The following CYTH3 variants were observed in gnomAD, a reference collection of about 807,000 sequenced individuals.
CYTH3 encodes the protein cytohesin 3.
CYTH3 carries 23 observed loss-of-function variants against 55.1 expected under a neutral mutation model. The ratio of observed to expected loss-of-function variants is 0.42; its 90% CI spans 0.30 to 0.59. The LOEUF is 0.59. CYTH3 is among the 20% of genes least tolerant of loss of function. The pLI, the probability that CYTH3 is intolerant of heterozygous loss-of-function variation, is 0.20. For missense variants in CYTH3, 413 were observed against 524.8 expected, an observed-to-expected ratio of 0.79 and a Z score of 2.08; for synonymous variants, 249 against 194.9, an observed-to-expected ratio of 1.28 and a Z score of -2.31.
In CYTH3 at chr7:6,170,002, G is replaced by A. The variant is rs572544435; in HGVS notation, c.823+533C>T. On this transcript the variant is annotated intron_variant, in intron 9 of 12. Transcript: ENST00000350796. This position sits in a 1 kb window ranked among gnomAD's most constrained non-coding sequence, Gnocchi z 7.8. The stretch of plus-strand genomic sequence containing the variant: ...ATCGGATGAATGGCAGCCACACAGC[G>A]GAGCTCACACAGACCAACGTGGGGA... 49 of 159,432 alleles carry A rather than the reference G, an allele frequency of 3.1e-4. No homozygotes were observed. Among genetic ancestry groups the A allele is most frequent in the Non-Finnish European group, 5.2e-4 (38 of 72,476 alleles). The allele number at this position is 159,432 out of a possible 1,614,324, so 9.9% of individuals were successfully genotyped here. A position where few individuals can be genotyped will look rare whatever the true frequency, so the allele number is the denominator to read the frequency against.
intron 1 of CYTH3, among the ~76,000 whole-genome samples, chr7:6,258,927 A>G (rs1271411614): frequency 6.6e-6 from 1 of 152,212 alleles, no homozygotes; most frequent in East Asian, 1.9e-4. Flanking sequence ...AATAAATGCA[A>G]CCCAGATGTT....
At chr7:6,198,112 G>GAAAAA (rs547379573) in intron 1 of CYTH3, among the ~76,000 whole-genome samples, 1 of 131,642 alleles carries the variant, frequency 7.6e-6, no homozygotes. Flanking sequence ...AAAAAAAAAG[G>GAAAAA]AAAAAAAAAA....
chr7:6,194,831 T>G (rs1562890498), intron 1 of CYTH3, among the ~76,000 whole-genome samples: 1 of 151,866 alleles, frequency 6.6e-6, no homozygotes, highest in Non-Finnish European at 1.5e-5. Flanking sequence ...AAAAATTAGC[T>G]GGGTGCCGTG....
intron 1 of CYTH3, 24 bp downstream of exon 1, chr7:6,272,450 G>A (rs1274632092): frequency 2.3e-6 from 3 of 1,327,126 alleles, no homozygotes; most frequent in African/African-American, 3.1e-5. Context: ...CCGCCGGCGA[G>A]CCCACCACAC....
intron 2 of CYTH3, among the ~76,000 whole-genome samples, chr7:6,189,302 A>G (rs978502447): frequency 2.0e-5 from 3 of 150,816 alleles, no homozygotes; most frequent in South Asian, 2.1e-4. Flanking sequence ...CTGTGTTTTT[A>G]TTTGTCTTTA....
At chr7:6,220,998 A>G (rs1449712095) in intron 1 of CYTH3, among the ~76,000 whole-genome samples, 1 of 151,542 alleles carries the variant, frequency 6.6e-6, no homozygotes, top group Non-Finnish European at 1.5e-5. Context: ...CCCTTCTCCA[A>G]AAAAAAAACT....
chr7:6,235,695 T>C (rs1369893388), intron 1 of CYTH3, among the ~76,000 whole-genome samples: 1 of 151,982 alleles, frequency 6.6e-6, no homozygotes, highest in Non-Finnish European at 1.5e-5. Context: ...AGTAAAGCAA[T>C]ACAACAGCTG....
chr7:6,229,766 G>C (rs950727878), intron 1 of CYTH3, among the ~76,000 whole-genome samples: 1 of 150,786 alleles, frequency 6.6e-6, no homozygotes, highest in South Asian at 2.1e-4. Flanking sequence ...GCCATGAGCT[G>C]AGATCACACC....
At chr7:6,222,701 C>A (rs770512908) in intron 1 of CYTH3, among the ~76,000 whole-genome samples, 1 of 149,968 alleles carries the variant, frequency 6.7e-6, no homozygotes, top group African/African-American at 2.5e-5. Flanking sequence ...GAGCTGAGAT[C>A]GCGCCACTGC....
chr7:6,165,473 A>G (rs374674584), intron 11 of CYTH3, 46 bp from the exon 12 acceptor site: 15 of 1,609,054 alleles, frequency 9.3e-6, no homozygotes, highest in Non-Finnish European at 1.3e-5. Flanking sequence ...GGCTTGGGGC[A>G]GGTTCCCTGC....
chr7:6,177,736 G>A (rs1310160834), intron 5 of CYTH3, 87 bp downstream of exon 5: 1 of 1,043,818 alleles, frequency 9.6e-7, no homozygotes, highest in Non-Finnish European at 1.5e-6. Context: ...TTTAGGCTGT[G>A]ATGGCCCCGA....
At chr7:6,196,743 G>A (rs10264140) in intron 1 of CYTH3, among the ~76,000 whole-genome samples, 1 of 152,038 alleles carries the variant, frequency 6.6e-6, no homozygotes, top group Admixed American at 6.5e-5. Context: ...TTACAGGCGT[G>A]AGCCACCGCG....
rs1004847301 is a variant in CYTH3 at position 6,208,596 on chromosome 7, G to T, written c.35-18065C>A. 2.6e-5 allele frequency among the ~76,000 whole-genome samples: 4 copies of T among 152,154 alleles called. 1 individual carries two copies. Among genetic ancestry groups the T allele is most frequent in the Non-Finnish European group, 5.9e-5 (4 of 68,030 alleles). On this transcript the variant is annotated intron_variant, in intron 1 of 12. Coordinates refer to ENST00000350796, the MANE Select transcript of CYTH3 (RefSeq NM_004227.4). ...GATCTCACTGTCACCCAGGTTGGGG[G>T]GCAATGGCCCAATCATAGTTCACCA... is the stretch of plus-strand genomic sequence containing the variant.
At chr7:6,253,683 G>T (rs1178124884) in intron 1 of CYTH3, among the ~76,000 whole-genome samples, 1 of 152,134 alleles carries the variant, frequency 6.6e-6, no homozygotes, top group East Asian at 1.9e-4. Context: ...GGGCGTGGTA[G>T]TAGGCACCTG....
intron 1 of CYTH3, among the ~76,000 whole-genome samples, chr7:6,222,285 C>A (rs1033771316): frequency 6.6e-6 from 1 of 152,304 alleles, no homozygotes; most frequent in Admixed American, 6.5e-5. Flanking sequence ...AAATGTGATA[C>A]CAAATGAGCA....
intron 1 of CYTH3, among the ~76,000 whole-genome samples, chr7:6,205,807 G>C (rs973245953): frequency 8.7e-5 from 12 of 138,094 alleles, no homozygotes; most frequent in African/African-American, 3.3e-4. Flanking sequence ...CCAGCAATTT[G>C]AGGCTGCAGT....
chr7:6,185,987 A>G (rs931595056), intron 4 of CYTH3, among the ~76,000 whole-genome samples: 2 of 151,754 alleles, frequency 1.3e-5, no homozygotes, highest in African/African-American at 2.4e-5. Context: ...GCTCACGCAC[A>G]TAATCCCAGC....
chr7:6,167,928 C>G lies in CYTH3; in HGVS notation c.824-2118G>C, dbSNP rs1471944555. Among the ~76,000 whole-genome samples the G allele has an allele frequency of 6.6e-6, 1 of 152,232 alleles. No homozygotes were observed. The highest frequency in any genetic ancestry group is 1.9e-4 in the East Asian group (1 of 5,184). ...CTCCCATGCAGAGCCCCATCCCTGT[C>G]CAGTCCTCAGGGCCAGGGGGTCGTT... On this transcript the variant is annotated intron_variant, in intron 9 of 12. Transcript: ENST00000350796. This position sits in a 1 kb window ranked among gnomAD's most constrained non-coding sequence, Gnocchi z 5.5.
At chr7:6,251,593 T>C (rs1779973936) in intron 1 of CYTH3, among the ~76,000 whole-genome samples, 1 of 152,214 alleles carries the variant, frequency 6.6e-6, no homozygotes, top group South Asian at 2.1e-4. Context: ...GTAGTGCTCA[T>C]ATATTACATC....
Sources: gnomAD v4.1 joint callset for allele counts (sites outside exome capture counted in the v4.1 genomes callset) on GRCh38, gnomAD v4.1.1 for gene constraint, Gnocchi (gnomAD v3.1) non-coding constraint, MANE v1.5 for transcripts, NCBI Gene and HGNC (gene_info 2026-07-23, HGNC 2026-07-21) for gene names.